The following BCAS3 variants were observed in gnomAD, a reference collection of about 807,000 sequenced individuals.
BCAS3 encodes the protein BCAS3 microtubule associated cell migration factor.
A neutral mutation model predicts 116.1 loss-of-function variants in BCAS3; 53 were observed. That is an observed-to-expected ratio of 0.46 (90% confidence interval 0.37 to 0.57). The LOEUF (loss-of-function observed/expected upper bound fraction) is 0.57. Ranked by LOEUF, BCAS3 falls within the 20% of genes least tolerant of loss-of-function variation. The probability of loss-of-function intolerance (pLI) is 0.00; values close to 1 mark genes in which losing one functional copy is unlikely to be tolerated. For missense variants in BCAS3, 917 were observed against 1,165.4 expected (o/e 0.79, Z 3.10); for synonymous variants, 391 against 408.2 (o/e 0.96, Z 0.51).
chr17:61,272,817 C>T (rs1427822271), intron 22 of BCAS3, among the ~76,000 whole-genome samples: 1 of 151,998 alleles, frequency 6.6e-6, no homozygotes, highest in Non-Finnish European at 1.5e-5. Flanking sequence ...CTCTTGATAT[C>T]TGCCCCAATC....
rs987017003 is a variant in BCAS3 at position 61,307,869 on chromosome 17, A to G, written c.2426-60458A>G. ...AAATGCACAGCAAAACATCTGATAT[A>G]TGGTTACAGATCTAACACAAATAAT... On this transcript the variant is annotated intron_variant, in intron 22 of 23. Transcript: ENST00000407086. This position sits in a 1 kb window ranked among gnomAD's most constrained non-coding sequence, Gnocchi z 4.7. Among the ~76,000 whole-genome samples, 1 of 152,206 alleles carries G rather than the reference A, an allele frequency of 6.6e-6. No individual in the cohort carries two copies. The highest frequency in any genetic ancestry group is 1.5e-5 in the Non-Finnish European group (1 of 68,030).
intron 22 of BCAS3, among the ~76,000 whole-genome samples, chr17:61,115,956 T>C (rs917097657): frequency 5.3e-5 from 8 of 150,918 alleles, no homozygotes; most frequent in Non-Finnish European, 1.0e-4. Flanking sequence ...ATGGATGAAA[T>C]TGGAAATCAT....
chr17:61,201,613 C>T (rs1228345367), intron 22 of BCAS3, among the ~76,000 whole-genome samples: 2 of 152,126 alleles, frequency 1.3e-5, no homozygotes, highest in Non-Finnish European at 2.9e-5. Context: ...AGCGAGTTTG[C>T]TCAGGTTGTG....
chr17:60,817,882 T>C (rs557319984), intron 7 of BCAS3, among the ~76,000 whole-genome samples: 1 of 148,914 alleles, frequency 6.7e-6, no homozygotes, highest in Admixed American at 6.8e-5. Context: ...TGAGGCAGAG[T>C]CTCACTCTGT....
Position 61,332,111 on chromosome 17 carries a change from G to T in BCAS3, c.2426-36216G>T, listed in dbSNP as rs1359272000. 6.6e-6 allele frequency among the ~76,000 whole-genome samples: 1 copy of T among 152,190 alleles called. No individual in the cohort carries two copies. Among genetic ancestry groups the T allele is most frequent in the Non-Finnish European group, 1.5e-5 (1 of 68,038 alleles). ...CTGCCTCAGACAAGTGCAGAGAGTT[G>T]CCACCCAGCCCGCCGGGCTCTGGAG... On this transcript the variant is annotated intron_variant, in intron 22 of 23. Transcript: ENST00000407086. This position sits in a 1 kb window ranked among gnomAD's most constrained non-coding sequence, Gnocchi z 5.4.
intron 15 of BCAS3, among the ~76,000 whole-genome samples, chr17:60,999,914 G>T (rs571856592): frequency 5.4e-4 from 82 of 151,886 alleles, no homozygotes; most frequent in Non-Finnish European, 4.6e-4. Flanking sequence ...TTTTTTTGTG[G>T]CTTTTCTTAA....
chr17:61,044,857 T>G (rs1331978775), intron 19 of BCAS3, among the ~76,000 whole-genome samples: 1 of 151,250 alleles, frequency 6.6e-6, no homozygotes, highest in Non-Finnish European at 1.5e-5. Flanking sequence ...CCACAACCTC[T>G]GCTCCCTGGG....
intron 12 of BCAS3, among the ~76,000 whole-genome samples, chr17:60,917,899 C>A (rs191418168): frequency 6.6e-6 from 1 of 152,090 alleles, no homozygotes; most frequent in Non-Finnish European, 1.5e-5. Context: ...CGCCACCTTT[C>A]GCCAATTTTG....
intron 7 of BCAS3, among the ~76,000 whole-genome samples, chr17:60,820,660 T>G (rs1239227333): frequency 6.6e-6 from 1 of 152,134 alleles, no homozygotes; most frequent in Non-Finnish European, 1.5e-5. Context: ...TAAAAAAATT[T>G]AAAAAGTAAA....
chr17:61,152,329 TG>T (rs2077585918), intron 22 of BCAS3, among the ~76,000 whole-genome samples: 1 of 152,136 alleles, frequency 6.6e-6, no homozygotes, highest in African/African-American at 2.4e-5. Flanking sequence ...TCCTAGTGAT[TG>T]GTGTGTTTTA....
At chr17:61,369,321 G>A (rs574683764) in intron 23 of BCAS3, among the ~76,000 whole-genome samples, 1 of 152,186 alleles carries the variant, frequency 6.6e-6, no homozygotes, top group East Asian at 1.9e-4. Flanking sequence ...TCTGGCTAGA[G>A]GCCTTTTCTC....
At chr17:61,043,690 C>G (rs1033299708) in intron 19 of BCAS3, among the ~76,000 whole-genome samples, 2 of 151,970 alleles carry the variant, frequency 1.3e-5, no homozygotes, top group Non-Finnish European at 2.9e-5. Flanking sequence ...GCCCTGCAAT[C>G]GAATGGTGTC....
chr17:60,792,605 TG>T (rs1253861529), intron 6 of BCAS3, among the ~76,000 whole-genome samples: 1 of 152,188 alleles, frequency 6.6e-6, no homozygotes, highest in African/African-American at 2.4e-5. Flanking sequence ...ACTTGGATCA[TG>T]GGGACAGATC....
Position 61,083,918 on chromosome 17 carries a change from C to T in BCAS3, c.2328-549C>T, listed in dbSNP as rs771915246. ...AGTTGGTAATTTTATAAAGGTAGCT[C>T]AGTTAGTAGTGACCCACCCCGGCCA... On this transcript the variant is annotated intron_variant, in intron 21 of 23. Transcript: ENST00000407086. The surrounding 1 kb of genome is among the most constrained non-coding windows in gnomAD (Gnocchi z 4.9). Among the ~76,000 whole-genome samples the T allele has an allele frequency of 1.4e-3, 220 of 152,252 alleles. 1 individual carries two copies. Among genetic ancestry groups the T allele is most frequent in the Non-Finnish European group, 2.3e-3 (156 of 68,016 alleles).
rs80052043 is a variant in BCAS3 at position 61,300,825 on chromosome 17, C to T, written c.2426-67502C>T. ...GTTCCAGCAGCTTTCCTCCTCCCTC[C>T]CTCTTCTAGCCTCTGCCCAGGAATC... On this transcript the variant is annotated intron_variant, in intron 22 of 23. Coordinates refer to ENST00000407086, the MANE Select transcript of BCAS3 (RefSeq NM_017679.5). The surrounding 1 kb of genome is among the most constrained non-coding windows in gnomAD (Gnocchi z 5.1). 9.1e-3 allele frequency among the ~76,000 whole-genome samples: 1,384 copies of T among 152,276 alleles called. 27 individuals carry two copies. Among genetic ancestry groups the T allele is most frequent in the African/African-American group, 0.029 (1,214 of 41,550 alleles).
chr17:61,333,187 GA>G lies in BCAS3; in HGVS notation c.2426-35137del, dbSNP rs1177602308. On this transcript the variant is annotated intron_variant, in intron 22 of 23. Transcript: ENST00000407086. The surrounding 1 kb of genome is among the most constrained non-coding windows in gnomAD (Gnocchi z 4.8). ...CAGAGAGGACACCTGTGTGATCAGA[GA>G]AACAAAGTCTGGTGAGAGGAGCAAG... Among the ~76,000 whole-genome samples the G allele has an allele frequency of 1.3e-5, 2 of 152,142 alleles. No individual in the cohort carries two copies. The highest frequency in any genetic ancestry group is 4.8e-5 in the African/African-American group (2 of 41,432).
intron 14 of BCAS3, among the ~76,000 whole-genome samples, chr17:60,957,797 C>T (rs981603554): frequency 1.3e-5 from 2 of 152,074 alleles, no homozygotes; most frequent in African/African-American, 2.4e-5. Flanking sequence ...GGGCCAATAC[C>T]GATTTCAGAG....
At position 60,782,960 on chromosome 17, in the gene BCAS3, C is replaced by T. The variant is rs549990635; in HGVS notation, c.404-25044C>T. 4.6e-4 allele frequency among the ~76,000 whole-genome samples: 70 copies of T among 152,104 alleles called. 4 individuals carry two copies. In the South Asian group the frequency reaches 0.015, roughly 32 times the overall value. ...ATTTGGGGCCCCAAATGCATGCATA[C>T]GTATATTTACATATTTGTGTACATA... On this transcript the variant is annotated intron_variant, in intron 6 of 23. Coordinates refer to ENST00000407086, the MANE Select transcript of BCAS3 (RefSeq NM_017679.5).
rs1317151482 is a variant in BCAS3 at position 60,892,390 on chromosome 17, G to A, written c.738+2619G>A. Among the ~76,000 whole-genome samples, 8 of 149,182 alleles carry A rather than the reference G, an allele frequency of 5.4e-5. No homozygotes were observed. The Admixed American group carries it at 5.4e-4, about 10-fold the overall frequency. On this transcript the variant is annotated intron_variant, in intron 10 of 23. Transcript: ENST00000407086. ...TGCAATGGCATGATCTCGGCTCACC[G>A]CAACCTCTGCCTCCTGGATTCAAGT...
Sources: gnomAD v4.1 joint callset for allele counts (sites outside exome capture counted in the v4.1 genomes callset) on GRCh38, gnomAD v4.1.1 for gene constraint, Gnocchi (gnomAD v3.1) non-coding constraint, MANE v1.5 for transcripts, NCBI Gene and HGNC (gene_info 2026-07-23, HGNC 2026-07-21) for gene names.